The following EPHB1 variants were observed in gnomAD, a reference collection of about 807,000 sequenced individuals.
EPHB1 encodes the protein ephrin type-B receptor 1.
Under a neutral mutation model 94.4 loss-of-function variants are expected in EPHB1, and 30 were observed. That is an observed-to-expected ratio of 0.32 (90% CI 0.24 to 0.43). The LOEUF is 0.43. Ranked by LOEUF, EPHB1 falls within the 20% of genes least tolerant of loss-of-function variation. The pLI is 1.00. For synonymous variants in EPHB1, 522 were observed against 489.1 expected, an observed-to-expected ratio of 1.07 and a Z score of -0.89; for missense variants, 1,055 against 1,308.3, an observed-to-expected ratio of 0.81 and a Z score of 2.99.
rs2107731350 is a variant in EPHB1 at position 135,248,471 on chromosome 3, C to A, written c.2652C>A (p.Asn884Lys). 1 of 1,612,482 alleles carries A rather than the reference C, an allele frequency of 6.2e-7. No homozygotes were observed. The highest frequency in any genetic ancestry group is 1.1e-5 in the South Asian group (1 of 90,906). ...IVNTLDKMIR[N>K]PASLKTVATI... ...ACACCCTAGATAAGATGATCCGGAA[C>A]CCGGCAAGTCTCAAGACTGTGGCAA... Residue 884 changes from asparagine to lysine, a missense_variant, in exon 14 of 16, where the codon AAC (asparagine) becomes AAA (lysine). Asn to Lys is a moderately conservative substitution (Grantham distance 94). Transcript: ENST00000398015.
chr3:134,994,986 TTGTGTG>T lies in EPHB1; in HGVS notation c.805+42958_805+42963del, dbSNP rs57873051. Among the ~76,000 whole-genome samples the T allele has an allele frequency of 1.1e-4, 16 of 148,478 alleles. No homozygotes were observed. In the East Asian group the frequency reaches 2.6e-3, roughly 24 times the overall value. On this transcript the variant is annotated intron_variant, in intron 3 of 15. Coordinates refer to ENST00000398015, the MANE Select transcript of EPHB1 (RefSeq NM_004441.5). ...CAGATATCACCAGTTTTACATACACTTGTGTGTGTGTGTGTGTGTGTGTGTGTGTAT... is the reference window on the plus strand; with the variant it reads ...CAGATATCACCAGTTTTACATACACTTGTGTGTGTGTGTGTGTGTGTGTAT...
chr3:135,078,068 C>G (rs1466623433), intron 3 of EPHB1, among the ~76,000 whole-genome samples: 1 of 152,182 alleles, frequency 6.6e-6, no homozygotes, highest in Non-Finnish European at 1.5e-5. Flanking sequence ...AGAGTAAAGT[C>G]AGTTATTCAA....
intron 2 of EPHB1, among the ~76,000 whole-genome samples, chr3:134,933,853 G>T (rs1372151813): frequency 2.6e-5 from 4 of 152,158 alleles, no homozygotes; most frequent in African/African-American, 9.7e-5. Flanking sequence ...GGCTCAGTCT[G>T]CAAAAGGTTT....
At chr3:134,916,060 G>A (rs1164762677) in intron 1 of EPHB1, among the ~76,000 whole-genome samples, 2 of 152,124 alleles carry the variant, frequency 1.3e-5, no homozygotes, top group African/African-American at 2.4e-5. Context: ...GCTGATTGGT[G>A]CGTTTACAAT....
At chr3:135,031,184 C>G (rs1176441013) in intron 3 of EPHB1, among the ~76,000 whole-genome samples, 1 of 152,244 alleles carries the variant, frequency 6.6e-6, no homozygotes, top group African/African-American at 2.4e-5. Context: ...CACCTGTCTT[C>G]TGTGTCGTCA....
intron 4 of EPHB1, among the ~76,000 whole-genome samples, chr3:135,121,805 CTTTTT>C (rs370298819): frequency 2.8e-5 from 4 of 144,396 alleles, no homozygotes; most frequent in Non-Finnish European, 6.1e-5. Context: ...TGCACAAAGT[CTTTTT>C]TTTTTTTTAA....
chr3:134,999,885 C>T (rs568237038), intron 3 of EPHB1, among the ~76,000 whole-genome samples: 2 of 152,290 alleles, frequency 1.3e-5, no homozygotes, highest in Non-Finnish European at 2.9e-5. Flanking sequence ...GGAGGATCTC[C>T]CTTGGACCAA....
chr3:135,015,060 C>T (rs1478539329), intron 3 of EPHB1, among the ~76,000 whole-genome samples: 1 of 152,110 alleles, frequency 6.6e-6, no homozygotes, highest in African/African-American at 2.4e-5. Context: ...CCGTGTATGG[C>T]ACCCCAGCCT....
chr3:134,902,781 A>T (rs760373300), intron 1 of EPHB1, among the ~76,000 whole-genome samples: 1 of 152,200 alleles, frequency 6.6e-6, no homozygotes, highest in Non-Finnish European at 1.5e-5. Flanking sequence ...TATTACTGGG[A>T]GTAGGGTGAG....
intron 5 of EPHB1, among the ~76,000 whole-genome samples, chr3:135,146,129 G>A (rs1941001718): frequency 6.6e-6 from 1 of 152,132 alleles, no homozygotes; most frequent in African/African-American, 2.4e-5. Flanking sequence ...TTTGGGTTGG[G>A]AGGCAGGAAA....
intron 3 of EPHB1, among the ~76,000 whole-genome samples, chr3:134,979,433 C>G (rs1033495811): frequency 1.1e-4 from 17 of 152,286 alleles, no homozygotes; most frequent in Non-Finnish European, 1.9e-4. Context: ...TCACTCCATT[C>G]TCCATAAATA....
chr3:135,049,677 C>A (rs1305693483), intron 3 of EPHB1, among the ~76,000 whole-genome samples: 1 of 152,198 alleles, frequency 6.6e-6, no homozygotes, highest in Non-Finnish European at 1.5e-5. Context: ...GAGGCATAGA[C>A]CCCACTTCTG....
intron 11 of EPHB1, among the ~76,000 whole-genome samples, chr3:135,200,369 T>C (rs2107712613): frequency 6.6e-6 from 1 of 152,230 alleles, no homozygotes; most frequent in Non-Finnish European, 1.5e-5. Context: ...CAGGTTGCCA[T>C]GAAGAGGAGC....
At chr3:134,847,568 G>A (rs2036898453) in intron 1 of EPHB1, among the ~76,000 whole-genome samples, 1 of 152,196 alleles carries the variant, frequency 6.6e-6, no homozygotes, top group Admixed American at 6.5e-5. Context: ...TTCCTAATCA[G>A]CCTTGTTTGA....
intron 1 of EPHB1, among the ~76,000 whole-genome samples, chr3:134,903,958 T>C (rs1215236376): frequency 3.9e-5 from 6 of 152,130 alleles, no homozygotes; most frequent in Non-Finnish European, 8.8e-5. Flanking sequence ...TCTGTAATGT[T>C]TTTCATTGAT....
In EPHB1 at chr3:134,847,884, G is replaced by A. The variant is rs371035761; in HGVS notation, c.58+52195G>A. Among the ~76,000 whole-genome samples the A allele has an allele frequency of 1.3e-4, 20 of 152,280 alleles. No individual in the cohort carries two copies. The East Asian group carries it at 2.1e-3, about 16-fold the overall frequency. On this transcript the variant is annotated intron_variant, in intron 1 of 15. Transcript: ENST00000398015. ...CCCTGATACCCTGCCTGGAGACAGC[G>A]TTTAGATTGTGTGGTGCTGTGGTTT...
At chr3:134,909,481 T>C (rs1424364804) in intron 1 of EPHB1, among the ~76,000 whole-genome samples, 1 of 152,020 alleles carries the variant, frequency 6.6e-6, no homozygotes, top group Non-Finnish European at 1.5e-5. Context: ...CCTTGAGAGG[T>C]TCTGAAATGC....
At chr3:135,246,906 T>A (rs965442944) in intron 13 of EPHB1, among the ~76,000 whole-genome samples, 6 of 152,226 alleles carry the variant, frequency 3.9e-5, no homozygotes, top group Non-Finnish European at 7.3e-5. Context: ...CTATCTCATG[T>A]CCTACATACT....
intron 4 of EPHB1, among the ~76,000 whole-genome samples, chr3:135,119,695 C>G (rs573747046): frequency 6.6e-6 from 1 of 152,068 alleles, no homozygotes; most frequent in South Asian, 2.1e-4. Context: ...CAAGTGATCC[C>G]CCTGTCTTGG....
Sources: allele counts gnomAD v4.1 joint callset (sites outside exome capture counted in the v4.1 genomes callset), GRCh38; gene constraint gnomAD v4.1.1; transcripts MANE v1.5; gene names NCBI Gene and HGNC (gene_info 2026-07-23, HGNC 2026-07-21).